UPF2: variants seen among roughly 807,000 people sequenced by gnomAD.
UPF2 encodes regulator of nonsense transcripts 2.
In UPF2, 17 loss-of-function variants were observed where a neutral mutation model predicts 141.4. The ratio of observed to expected loss-of-function variants is 0.12; its 90% CI spans 0.08 to 0.18. The LOEUF (loss-of-function observed/expected upper bound fraction) is 0.18. UPF2 is among the 10% of genes least tolerant of loss of function. The probability of loss-of-function intolerance (pLI) is 1.00; values close to 1 mark genes in which losing one functional copy is unlikely to be tolerated. For missense variants in UPF2, 1,152 were observed against 1,515.9 expected, an observed-to-expected ratio of 0.76 and a Z score of 3.99; for synonymous variants, 540 against 498.0, an observed-to-expected ratio of 1.08 and a Z score of -1.12.
intron 19 of UPF2, among the ~76,000 whole-genome samples, chr10:11,932,081 G>A (rs181946746): frequency 5.3e-4 from 80 of 152,008 alleles, no homozygotes; most frequent in African/African-American, 1.6e-3. Flanking sequence ...CCCAGGAAGC[G>A]GAGGTTGCAG....
chr10:11,964,704 T>C (rs1184578381), intron 10 of UPF2, among the ~76,000 whole-genome samples: 1 of 152,226 alleles, frequency 6.6e-6, no homozygotes, highest in Non-Finnish European at 1.5e-5. Flanking sequence ...TATATAGTGC[T>C]ACATAATATG....
At chr10:11,968,996 G>A (rs1450344441) in intron 9 of UPF2, among the ~76,000 whole-genome samples, 3 of 152,070 alleles carry the variant, frequency 2.0e-5, no homozygotes, top group Non-Finnish European at 2.9e-5. Flanking sequence ...GAGTAGCTGC[G>A]ATTACAGGTG....
intron 4 of UPF2, among the ~76,000 whole-genome samples, chr10:12,010,987 A>C (rs1447616994): frequency 6.6e-6 from 1 of 152,076 alleles, no homozygotes; most frequent in Non-Finnish European, 1.5e-5. Context: ...TCTGAAAAAA[A>C]AATTTTTTTT....
intron 4 of UPF2, among the ~76,000 whole-genome samples, chr10:12,013,102 G>A (rs955528899): frequency 2.0e-5 from 3 of 149,184 alleles, no homozygotes; most frequent in African/African-American, 7.4e-5. Context: ...TCCAGCCTGA[G>A]CGACAGAGCA....
chr10:12,035,507 T>C (rs1170378618), intron 1 of UPF2, 66 bp from the exon 2 acceptor site: 2 of 1,449,640 alleles, frequency 1.4e-6, no homozygotes, highest in African/African-American at 2.9e-5. Context: ...TCACACTATT[T>C]TTTTAAACAG....
intron 9 of UPF2, among the ~76,000 whole-genome samples, chr10:11,968,152 C>T (rs998159741): frequency 3.9e-5 from 6 of 152,042 alleles, no homozygotes; most frequent in Non-Finnish European, 7.4e-5. Flanking sequence ...GCACTCCAGC[C>T]TGGGTGACAA....
In UPF2 at chr10:11,959,040, T is replaced by A. The variant is rs1275614005; in HGVS notation, c.2370+131A>T. ...ATATATCATCATAAGAATTCCTTCT[T>A]AGGGTGACTTACACAGAGCTGATTA... On this transcript the variant is annotated intron_variant, in intron 12 of 21. Coordinates refer to ENST00000357604, the MANE Select transcript of UPF2 (RefSeq NM_015542.4). The surrounding 1 kb of genome is among the most constrained non-coding windows in gnomAD (Gnocchi z 5.9). 4.2e-6 allele frequency: 3 copies of A among 708,832 alleles called. No individual in the cohort carries two copies. Among genetic ancestry groups the A allele is most frequent in the Non-Finnish European group, 6.1e-6 (3 of 490,688 alleles). The allele number at this position is 708,832 out of a possible 1,614,324, so 43.9% of individuals were successfully genotyped here. A position where few individuals can be genotyped will look rare whatever the true frequency, so the allele number is the denominator to read the frequency against.
intron 15 of UPF2, among the ~76,000 whole-genome samples, chr10:11,951,315 G>A (rs145876866): frequency 0.06 from 9,109 of 152,132 alleles, 374 homozygotes; most frequent in Non-Finnish European, 0.092. Flanking sequence ...TGCCTGCCTC[G>A]GCCTCCCAAA....
At chr10:12,005,344 C>T (rs1033294097) in intron 4 of UPF2, among the ~76,000 whole-genome samples, 5 of 152,156 alleles carry the variant, frequency 3.3e-5, no homozygotes, top group Non-Finnish European at 7.4e-5. Context: ...TCCCAGGAAG[C>T]AGAGATTCTA....
In UPF2 at chr10:11,938,868, T is replaced by TTTTTTTTTTTTTTTG. The variant is rs1832897606; in HGVS notation, c.3379-2171_3379-2157dup. 2.5e-4 allele frequency among the ~76,000 whole-genome samples: 23 copies of TTTTTTTTTTTTTTTG among 90,854 alleles called. 3 individuals carry two copies. Among genetic ancestry groups the TTTTTTTTTTTTTTTG allele is most frequent in the Non-Finnish European group, 3.1e-4 (13 of 41,884 alleles). 59.6% of individuals were successfully genotyped at this position (90,854 alleles called of 152,430 possible). ...TTTTTTTTTTGTTTTTTTTTTTTTT[T>TTTTTTTTTTTTTTTG]TTTTTTTTTTTTTTGGAGACGGAGT... is the stretch of plus-strand genomic sequence containing the variant. On this transcript the variant is annotated intron_variant, in intron 18 of 21. Coordinates refer to ENST00000357604, the MANE Select transcript of UPF2 (RefSeq NM_015542.4).
intron 3 of UPF2, among the ~76,000 whole-genome samples, chr10:12,027,706 A>C (rs1348333260): frequency 6.6e-6 from 1 of 152,208 alleles, no homozygotes; most frequent in Non-Finnish European, 1.5e-5. Flanking sequence ...TCAGCCACAA[A>C]GATTTAACCA....
In UPF2 at chr10:12,004,573, T is replaced by C. The variant is rs1269658826; in HGVS notation, c.1461A>G (p.Glu487=). 1 of 1,613,816 alleles carries C rather than the reference T, an allele frequency of 6.2e-7. No homozygotes were observed. Among genetic ancestry groups the C allele is most frequent in the Admixed American group, 1.7e-5 (1 of 60,014 alleles). ...FVPAILFKDN[E]KSCQNKESNK... is the part of the protein sequence containing the mutation. The stretch of plus-strand genomic sequence containing the variant: ...TGGACTCTTTATTCTGACAACTTTT[T>C]TCATTGTCTTTAAACAAGATGGCTG... The change falls in exon 5 of 22, where the codon GAA becomes GAG. Residue 487 remains glutamate (E), a synonymous_variant. Coordinates refer to ENST00000357604, the MANE Select transcript of UPF2 (RefSeq NM_015542.4).
chr10:11,934,518 T>C (rs1832821060), intron 19 of UPF2, among the ~76,000 whole-genome samples: 1 of 152,232 alleles, frequency 6.6e-6, no homozygotes, highest in Non-Finnish European at 1.5e-5. Context: ...TCTGATCCTG[T>C]CAAAGTTAAC....
rs1039425425 is a variant in UPF2 at position 11,931,004 on chromosome 10, C to G, written c.3688+637G>C. 6.6e-6 allele frequency among the ~76,000 whole-genome samples: 1 copy of G among 152,100 alleles called. No homozygotes were observed. Among genetic ancestry groups the G allele is most frequent in the African/African-American group, 2.4e-5 (1 of 41,422 alleles). ...CTCCATGGACTCGATGTGTAAGGTT[C>G]CAACTAACTGAAAAATGCTGGGTAT... is the stretch of plus-strand genomic sequence containing the variant. On this transcript the variant is annotated intron_variant, in intron 20 of 21. Transcript: ENST00000357604. This position sits in a 1 kb window ranked among gnomAD's most constrained non-coding sequence, Gnocchi z 5.9.
At chr10:12,028,540 T>A (rs947624165) in intron 3 of UPF2, among the ~76,000 whole-genome samples, 1 of 152,190 alleles carries the variant, frequency 6.6e-6, no homozygotes, top group African/African-American at 2.4e-5. Context: ...CAGATTTTTT[T>A]AAAATCAGAA....
At position 11,980,461 on chromosome 10, in the gene UPF2, G is replaced by A. The variant is rs776343257; in HGVS notation, c.1845-1296C>T. On this transcript the variant is annotated intron_variant, in intron 8 of 21. Coordinates refer to ENST00000357604, the MANE Select transcript of UPF2 (RefSeq NM_015542.4). The surrounding 1 kb of genome is among the most constrained non-coding windows in gnomAD (Gnocchi z 4.2). The stretch of plus-strand genomic sequence containing the variant: ...ATACGAGTCTTAATTATCGCTGAGT[G>A]GAGGCCGGGCACGGTGGCTCACATC... 1.4e-4 allele frequency among the ~76,000 whole-genome samples: 21 copies of A among 152,232 alleles called. No homozygotes were observed. The highest frequency in any genetic ancestry group is 8.3e-4 in the South Asian group (4 of 4,826).
intron 21 of UPF2, among the ~76,000 whole-genome samples, chr10:11,925,997 A>G (rs1273527518): frequency 6.6e-6 from 1 of 152,200 alleles, no homozygotes; most frequent in African/African-American, 2.4e-5. Context: ...GGGAGAATGA[A>G]TTGGAAAGGG....
intron 3 of UPF2, among the ~76,000 whole-genome samples, chr10:12,027,732 C>G (rs573138663): frequency 6.6e-6 from 1 of 152,290 alleles, no homozygotes; most frequent in Admixed American, 6.5e-5. Context: ...TCTACCTTGA[C>G]CCTGCCCTAA....
At chr10:12,003,252 C>T (rs1833981098) in intron 5 of UPF2, among the ~76,000 whole-genome samples, 1 of 152,208 alleles carries the variant, frequency 6.6e-6, no homozygotes, top group South Asian at 2.1e-4. Context: ...ACTAAAACAT[C>T]TACTAATCAG....
Sources: allele counts gnomAD v4.1 joint callset (sites outside exome capture counted in the v4.1 genomes callset), GRCh38; gene constraint gnomAD v4.1.1; non-coding constraint Gnocchi (gnomAD v3.1); transcripts MANE v1.5; gene names NCBI Gene and HGNC (gene_info 2026-07-23, HGNC 2026-07-21).